The following PTPRD variants were observed in gnomAD, a reference collection of about 807,000 sequenced individuals.
The protein encoded by PTPRD is receptor-type tyrosine-protein phosphatase delta.
A neutral mutation model predicts 214.5 loss-of-function variants in PTPRD; 34 were observed. The observed-to-expected ratio is 0.16, with a 90% CI of 0.12 to 0.21. PTPRD has a LOEUF of 0.21. PTPRD is among the 10% of genes least tolerant of loss of function. PTPRD has a pLI of 1.00. For missense variants in PTPRD, 2,545 were observed against 2,398.7 expected (o/e 1.06, Z -1.27); for synonymous variants, 1,128 against 845.7 (o/e 1.33, Z -5.79).
chr9:10,088,681 CTTTAT>C (rs1367525012), intron 3 of PTPRD, among the ~76,000 whole-genome samples: 1 of 151,696 alleles, frequency 6.6e-6, no homozygotes, highest in Admixed American at 6.6e-5. Flanking sequence ...ATCAGTCTCT[CTTTAT>C]TTTAGTTTCC....
chr9:10,066,964 G>GA (rs200442683), intron 3 of PTPRD, among the ~76,000 whole-genome samples: 6,886 of 142,702 alleles, frequency 0.048, 536 homozygotes, highest in African/African-American at 0.16. Context: ...TGTCCTTCTG[G>GA]AAAAAAAAAA....
chr9:9,703,586 T>C (rs998925845), intron 7 of PTPRD, among the ~76,000 whole-genome samples: 12 of 152,162 alleles, frequency 7.9e-5, no homozygotes, highest in Admixed American at 2.0e-4. Context: ...GAAACATTGA[T>C]GCATAGCATA....
intron 2 of PTPRD, among the ~76,000 whole-genome samples, chr9:10,400,321 G>T (rs1312039228): frequency 1.3e-5 from 2 of 151,588 alleles, no homozygotes; most frequent in Admixed American, 6.6e-5. Context: ...TATTAATGTG[G>T]TTATTATATT....
chr9:9,597,040 G>A (rs1225249832), intron 7 of PTPRD, among the ~76,000 whole-genome samples: 2 of 151,920 alleles, frequency 1.3e-5, no homozygotes, highest in African/African-American at 4.8e-5. Context: ...ATAGACTTAT[G>A]CCAAAAAAGC....
intron 2 of PTPRD, among the ~76,000 whole-genome samples, chr9:10,543,866 G>C (rs1463265114): frequency 6.6e-6 from 1 of 152,150 alleles, no homozygotes; most frequent in Non-Finnish European, 1.5e-5. Context: ...CCATATCTCA[G>C]AGGTATATCC....
chr9:8,383,615 A>C (rs534968019), intron 37 of PTPRD, among the ~76,000 whole-genome samples: 1 of 152,304 alleles, frequency 6.6e-6, no homozygotes, highest in South Asian at 2.1e-4. Flanking sequence ...CTTGGAAACC[A>C]AGAATTAGGA....
At chr9:10,116,928 T>G (rs527783121) in intron 3 of PTPRD, among the ~76,000 whole-genome samples, 18 of 141,276 alleles carry the variant, frequency 1.3e-4, no homozygotes, top group African/African-American at 4.2e-4. Context: ...TCATCTAGAC[T>G]TTTTTCAAAT....
intron 8 of PTPRD, among the ~76,000 whole-genome samples, chr9:9,435,430 G>A (rs769806079): frequency 2.8e-5 from 4 of 144,060 alleles, no homozygotes; most frequent in African/African-American, 5.2e-5. Flanking sequence ...AGGATCCCTC[G>A]AACCCAGGAG....
At chr9:9,301,923 A>G (rs1218934496) in intron 9 of PTPRD, among the ~76,000 whole-genome samples, 1 of 151,916 alleles carries the variant, frequency 6.6e-6, no homozygotes, top group Non-Finnish European at 1.5e-5. Context: ...GCAGAAGCTG[A>G]GTTTAAGATA....
At position 8,521,564 on chromosome 9, in the gene PTPRD, G is replaced by T; in HGVS notation, c.692-18C>A. ...ACGGCGAACTGGAACAAAACACAAG[G>T]GAAATGATAACATATACAAGGCAAG... On this transcript the variant is annotated intron_variant, in intron 19 of 45. Transcript: ENST00000381196. 6.2e-7 allele frequency: 1 copy of T among 1,609,624 alleles called. No homozygotes were observed.
chr9:10,389,940 T>A (rs557397377), intron 2 of PTPRD, among the ~76,000 whole-genome samples: 63 of 151,944 alleles, frequency 4.1e-4, no homozygotes, highest in African/African-American at 1.4e-3. Flanking sequence ...GATCTAATGA[T>A]TCCATTATTA....
intron 11 of PTPRD, among the ~76,000 whole-genome samples, chr9:8,738,394 G>T (rs74927409): frequency 0.071 from 10,739 of 151,866 alleles, 1,059 homozygotes; most frequent in African/African-American, 0.23. Context: ...TGTTATTTGT[G>T]TCTAAATACT....
chr9:10,152,834 C>A (rs771944610), intron 3 of PTPRD, among the ~76,000 whole-genome samples: 2 of 151,988 alleles, frequency 1.3e-5, no homozygotes, highest in Non-Finnish European at 2.9e-5. Flanking sequence ...CTACCCTCCC[C>A]CAAAAAGAAG....
At chr9:8,759,611 ATTTCTT>A (rs538049991) in intron 11 of PTPRD, among the ~76,000 whole-genome samples, 6,199 of 110,430 alleles carry the variant, frequency 0.056, 280 homozygotes, top group African/African-American at 0.15. Flanking sequence ...TTCCTGTTAC[ATTTCTT>A]TTTTTTTTTT....
intron 7 of PTPRD, among the ~76,000 whole-genome samples, chr9:9,657,757 C>A (rs1008511674): frequency 6.6e-6 from 1 of 152,204 alleles, no homozygotes; most frequent in Admixed American, 6.5e-5. Context: ...ACCCACAAGG[C>A]TTGCCACATG....
chr9:9,429,879 T>C (rs2143009747), intron 8 of PTPRD, among the ~76,000 whole-genome samples: 1 of 152,184 alleles, frequency 6.6e-6, no homozygotes, highest in African/African-American at 2.4e-5. Flanking sequence ...TCTCAATAAA[T>C]TAGGTATTGA....
rs202068877 is a variant in PTPRD at position 8,500,831 on chromosome 9, C to T, written c.2051G>A (p.Arg684Gln). The T allele has an allele frequency of 1.4e-4, 233 of 1,614,076 alleles. No homozygotes were observed. Among genetic ancestry groups the T allele is most frequent in the Non-Finnish European group, 1.8e-4 (211 of 1,180,010 alleles). ...ATCTGTATGGGCTGTCACAGTGATC[C>T]GGTATTCAGTCCATTTTTCCAGCTG... ...LEQLEKWTEY[R>Q]ITVTAHTDVG... Residue 684 changes from arginine to glutamine, a missense_variant, in exon 24 of 46, where the codon CGG becomes CAG. Arg to Gln is a conservative substitution (Grantham distance 43). Transcript: ENST00000381196.
chr9:9,224,624 T>G (rs1423955967), intron 9 of PTPRD, among the ~76,000 whole-genome samples: 1 of 151,972 alleles, frequency 6.6e-6, no homozygotes, highest in Non-Finnish European at 1.5e-5. Flanking sequence ...ATGGTTATAT[T>G]TTTATATCTT....
intron 8 of PTPRD, among the ~76,000 whole-genome samples, chr9:9,566,686 C>T (rs1324253348): frequency 6.6e-6 from 1 of 151,998 alleles, no homozygotes; most frequent in Non-Finnish European, 1.5e-5. Context: ...TTAAGAAAAG[C>T]TTACACTCGT....
Sources: gnomAD v4.1 joint callset for allele counts (sites outside exome capture counted in the v4.1 genomes callset) on GRCh38, gnomAD v4.1.1 for gene constraint, MANE v1.5 for transcripts, NCBI Gene and HGNC (gene_info 2026-07-23, HGNC 2026-07-21) for gene names.